The following ACBD7 variants were observed in gnomAD, a reference collection of about 807,000 sequenced individuals.
ACBD7 encodes the protein acyl-CoA binding domain containing 7.
A neutral mutation model predicts 13.7 loss-of-function variants in ACBD7; 11 were observed. The observed-to-expected ratio is 0.80, with a 90% CI of 0.50 to 1.33. The LOEUF (loss-of-function observed/expected upper bound fraction) is 1.33, where lower values mean the gene tolerates loss of function less well. Among genes scored for constraint, ACBD7 ranks in the 40% most tolerant of loss-of-function variants. The pLI, the probability that ACBD7 is intolerant of heterozygous loss-of-function variation, is 0.00. For synonymous variants in ACBD7, 43 were observed against 37.7 expected, an observed-to-expected ratio of 1.14 and a Z score of -0.51; for missense variants, 111 against 103.0, an observed-to-expected ratio of 1.08 and a Z score of -0.33.
chr10:15,078,408 C>A lies in ACBD7; in HGVS notation c.*122G>T. On this transcript the variant is annotated 3_prime_UTR_variant, in exon 4 of 4. Transcript: ENST00000356189. The stretch of plus-strand genomic sequence containing the variant: ...TTCAGTATACTTCTAAGTACTACAG[C>A]TCATGCTAATAGCAAAAATATACAT... 1.9e-6 allele frequency: 3 copies of A among 1,573,696 alleles called. No homozygotes were observed. Among genetic ancestry groups the A allele is most frequent in the Non-Finnish European group, 1.7e-6 (2 of 1,163,876 alleles).
intron 1 of ACBD7, chr10:15,088,453 C>T (rs1346624959): frequency 7.5e-6 from 4 of 531,026 alleles, no homozygotes; most frequent in African/African-American, 6.1e-5. Context: ...GAGGCCCGCT[C>T]CGTGCTCCCC....
intron 1 of ACBD7, among the ~76,000 whole-genome samples, chr10:15,086,379 T>A (rs1402607774): frequency 1.3e-5 from 2 of 152,078 alleles, no homozygotes; most frequent in East Asian, 3.8e-4. Context: ...ATATCATGGG[T>A]CGATGTTAAT....
chr10:15,081,221 A>T (rs1393291256), intron 1 of ACBD7, among the ~76,000 whole-genome samples: 1 of 151,920 alleles, frequency 6.6e-6, no homozygotes, highest in African/African-American at 2.4e-5. Context: ...TCATACGAAG[A>T]CTCCAAGGTA....
rs562027858 is a variant in ACBD7 at position 15,079,923 on chromosome 10, T to A, written c.13-883A>T. On this transcript the variant is annotated intron_variant, in intron 1 of 3. Coordinates refer to ENST00000356189, the MANE Select transcript of ACBD7 (RefSeq NM_001039844.3). Reference sequence around the variant, plus strand: ...TGGCATTATTTATACTCATTGAAGGTTTCTCAATCACCTCGCAGATGCGCC... The same window carrying A: ...TGGCATTATTTATACTCATTGAAGGATTCTCAATCACCTCGCAGATGCGCC... Among the ~76,000 whole-genome samples, 18 of 149,270 alleles carry A rather than the reference T, an allele frequency of 1.2e-4. No homozygotes were observed. In the East Asian group the frequency reaches 3.1e-3, roughly 26 times the overall value.
At chr10:15,083,418 A>C (rs2131396503) in intron 1 of ACBD7, among the ~76,000 whole-genome samples, 1 of 152,362 alleles carries the variant, frequency 6.6e-6, no homozygotes, top group South Asian at 2.1e-4. Context: ...AGCTCCTCTA[A>C]GATGCAGCTT....
chr10:15,076,150 T>C lies in ACBD7; in HGVS notation c.*2380A>G, dbSNP rs2131390007. 1 of 985,346 alleles carries C rather than the reference T, an allele frequency of 1.0e-6. No individual in the cohort carries two copies. Among genetic ancestry groups the C allele is most frequent in the South Asian group, 4.7e-5 (1 of 21,282 alleles). 61.0% of individuals were successfully genotyped at this position (985,346 alleles called of 1,614,324 possible). Reference sequence around the variant, plus strand: ...TGAAGTGGATCTATTCCTCTGGTCATACCATTCCAAATCTAAATTTTTATG... The same window carrying C: ...TGAAGTGGATCTATTCCTCTGGTCACACCATTCCAAATCTAAATTTTTATG... On this transcript the variant is annotated 3_prime_UTR_variant, in exon 4 of 4. Coordinates refer to ENST00000356189, the MANE Select transcript of ACBD7 (RefSeq NM_001039844.3).
rs35612706 is a variant in ACBD7, at chr10:15,077,673, G to A, written c.*857C>T. On this transcript the variant is annotated 3_prime_UTR_variant, in exon 4 of 4. Coordinates refer to ENST00000356189, the MANE Select transcript of ACBD7 (RefSeq NM_001039844.3). ...AGATCACCTGAGGTCAGGAGTTCGA[G>A]ACCAGCCTGGCCAACATGGCAAAAC... 8,278 of 152,260 alleles carry A rather than the reference G, an allele frequency of 0.054. 249 individuals carry two copies. The highest frequency in any genetic ancestry group is 0.13 in the Middle Eastern group (38 of 296). The allele number at this position is 152,260 out of a possible 1,614,324, so 9.4% of individuals were successfully genotyped here.
intron 1 of ACBD7, among the ~76,000 whole-genome samples, chr10:15,082,223 T>C (rs1844758145): frequency 6.7e-6 from 1 of 149,370 alleles, no homozygotes; most frequent in African/African-American, 2.5e-5. Context: ...GAGGTAGAGG[T>C]TGCAGTGAGC....
intron 1 of ACBD7, among the ~76,000 whole-genome samples, chr10:15,082,567 T>C (rs553801606): frequency 1.3e-5 from 2 of 152,280 alleles, no homozygotes; most frequent in Admixed American, 1.3e-4. Context: ...GCTACATGAG[T>C]GGCTGAGCTG....
chr10:15,078,487 AT>A lies in ACBD7; in HGVS notation c.*42del. On this transcript the variant is annotated 3_prime_UTR_variant, in exon 4 of 4. Coordinates refer to ENST00000356189, the MANE Select transcript of ACBD7 (RefSeq NM_001039844.3). ...CCTCTAAATGTTAGGTCATGATAGC[AT>A]TTGGAAGTCTTCAAAAGGAAAAATT... The A allele has an allele frequency of 1.2e-6, 2 of 1,612,922 alleles. No individual in the cohort carries two copies. The highest frequency in any genetic ancestry group is 2.2e-5 in the East Asian group (1 of 44,876).
chr10:15,083,200 TTCTC>T (rs753434447), intron 1 of ACBD7, among the ~76,000 whole-genome samples: 121 of 152,290 alleles, frequency 7.9e-4, no homozygotes, highest in Non-Finnish European at 1.2e-3. Context: ...GCCAGCATCA[TTCTC>T]TCTGTCTAGC....
intron 2 of ACBD7, 80 bp from the exon 3 acceptor site, chr10:15,078,833 T>C: frequency 7.3e-7 from 1 of 1,374,456 alleles, no homozygotes; most frequent in Non-Finnish European, 9.7e-7. Context: ...ACGGAGTATA[T>C]TACTATATTT....
chr10:15,078,702 T>G lies in ACBD7; in HGVS notation c.182A>C (p.Asn61Thr). ...AAAGACTAAAAAACCTTTTTTGAGG[T>G]TCCATGCTTCCCATTTGGCTTTGCC... is the stretch of plus-strand genomic sequence containing the variant. Reference protein sequence around the residue: ...LKGKAKWEAWNLKKGLSTEDA... With the variant: ...LKGKAKWEAWTLKKGLSTEDA... The change falls in exon 3 of 4, where the codon AAC becomes ACC. Residue 61 changes from asparagine (N) to threonine (T), a missense_variant. Physicochemically the swap from Asn to Thr is moderately conservative, Grantham distance 65 (BLOSUM62 0). Coordinates refer to ENST00000356189, the MANE Select transcript of ACBD7 (RefSeq NM_001039844.3). 1 of 1,614,078 alleles carries G rather than the reference T, an allele frequency of 6.2e-7. No individual in the cohort carries two copies. Among genetic ancestry groups the G allele is most frequent in the Non-Finnish European group, 8.5e-7 (1 of 1,180,012 alleles).
At chr10:15,088,653 G>T in intron 1 of ACBD7, 64 bp downstream of exon 1, 1 of 1,572,676 alleles carries the variant, frequency 6.4e-7, no homozygotes. Flanking sequence ...CCCACCCGGA[G>T]CCCCACTTAA....
chr10:15,087,712 A>C (rs1844825403), intron 1 of ACBD7, among the ~76,000 whole-genome samples: 3 of 151,712 alleles, frequency 2.0e-5, no homozygotes, highest in Admixed American at 2.0e-4. Context: ...TGGGAGGCGG[A>C]GGTTGCGGTG....
intron 1 of ACBD7, among the ~76,000 whole-genome samples, chr10:15,087,112 C>G (rs1031487622): frequency 1.4e-4 from 21 of 151,496 alleles, no homozygotes; most frequent in Non-Finnish European, 2.9e-4. Context: ...CCCAGGAGGT[C>G]AAGGCTGCAG....
chr10:15,086,646 C>A (rs551196580), intron 1 of ACBD7, among the ~76,000 whole-genome samples: 3 of 152,016 alleles, frequency 2.0e-5, no homozygotes, highest in Non-Finnish European at 4.4e-5. Flanking sequence ...GAGGCCAAGG[C>A]GGGTGGATCG....
rs747148754 is a variant in ACBD7 at position 15,088,765 on chromosome 10, G to T, written c.-37C>A. The T allele has an allele frequency of 8.1e-6, 13 of 1,598,430 alleles. No individual in the cohort carries two copies. In the South Asian group the frequency reaches 1.5e-4, roughly 18 times the overall value. On this transcript the variant is annotated 5_prime_UTR_variant, in exon 1 of 4. Transcript: ENST00000356189. ...CCGCGTTGTTGCTGCTGCTGTTGTC[G>T]TCCGGTGCTCTGCCCCCTCTCGCAC... is the stretch of plus-strand genomic sequence containing the variant.
At chr10:15,088,494 A>C (rs1185088004) in intron 1 of ACBD7, 1 of 607,718 alleles carries the variant, frequency 1.6e-6, no homozygotes. Context: ...TTTTCCGCTC[A>C]CCCGGCCCCT....
Sources: gnomAD v4.1 joint callset for allele counts (sites outside exome capture counted in the v4.1 genomes callset) on GRCh38, gnomAD v4.1.1 for gene constraint, MANE v1.5 for transcripts, NCBI Gene and HGNC (gene_info 2026-07-23, HGNC 2026-07-21) for gene names.